NBEAL2: variants seen among roughly 807,000 people sequenced by gnomAD.
NBEAL2 encodes the protein neurobeachin-like protein 2.
NBEAL2 carries 160 observed loss-of-function variants against 299.8 expected under a neutral mutation model. The observed-to-expected ratio is 0.53, with a 90% CI of 0.47 to 0.61. NBEAL2 has a LOEUF of 0.61. Ranked by LOEUF, NBEAL2 falls within the 20% of genes least tolerant of loss-of-function variation. The probability of loss-of-function intolerance (pLI) is 0.00; values close to 1 mark genes in which losing one functional copy is unlikely to be tolerated. For missense variants in NBEAL2, 3,112 were observed against 3,649.0 expected, an observed-to-expected ratio of 0.85 and a Z score of 3.79; for synonymous variants, 1,493 against 1,542.3, an observed-to-expected ratio of 0.97 and a Z score of 0.75.
In NBEAL2 at chr3:47,005,613, C is replaced by G; in HGVS notation, c.6685C>G (p.Gln2229Glu). 1 of 1,613,652 alleles carries G rather than the reference C, an allele frequency of 6.2e-7. No individual in the cohort carries two copies. The highest frequency in any genetic ancestry group is 2.2e-5 in the East Asian group (1 of 44,878). The change falls in exon 41 of 54, where the codon CAG becomes GAG. Residue 2229 changes from glutamine to glutamate, a missense_variant. Gln to Glu is a conservative substitution (Grantham distance 29). Transcript: ENST00000450053. ...CTACTTTCCTGACTTCCTGGAGAAC[C>G]AGAACGGTAGGTGTGAGGTGCTCAC... ...FFYFPDFLEN[Q>E]NGFDLGCLQL... is the part of the protein sequence containing the mutation.
chr3:46,994,057 G>C, intron 11 of NBEAL2, 37 bp downstream of exon 11: 1 of 1,569,674 alleles, frequency 6.4e-7, no homozygotes, highest in Non-Finnish European at 8.7e-7. Flanking sequence ...TAGGGGTGCG[G>C]GGTGGAGTTC....
chr3:46,990,036 T>C (rs2035975669), intron 6 of NBEAL2, among the ~76,000 whole-genome samples: 1 of 152,126 alleles, frequency 6.6e-6, no homozygotes. Context: ...CAGGTGGTCC[T>C]GTGAACCTGT....
rs141569354 is a variant in NBEAL2, at chr3:47,004,995, C to T, written c.6318C>T (p.Tyr2106=). 0.011 allele frequency: 17,694 copies of T among 1,610,230 alleles called. 121 individuals are homozygous for T. Among genetic ancestry groups the T allele is most frequent in the Non-Finnish European group, 0.013 (15,745 of 1,178,436 alleles). Residue 2106 remains tyrosine (Y), a synonymous_variant, in exon 39 of 54, where the codon TAC becomes TAT. Transcript: ENST00000450053. This position sits in a 1 kb window ranked among gnomAD's most constrained non-coding sequence, Gnocchi z 5.0. ...YPVFPWVLQD[Y]VSPTLDLSNP... The stretch of plus-strand genomic sequence containing the variant: ...AGTTCCCCTGGGTCCTGCAGGACTA[C>T]GTGTCCCCAACCCTGGACCTCAGCA...
rs1559616872 is a variant in NBEAL2 at position 47,004,488 on chromosome 3, T to C, written c.6199-7T>C. The stretch of plus-strand genomic sequence containing the variant: ...CTGGCTCACATCTTGTCTGCCCCTG[T>C]CCCCAGAAATGGGTACAGCGTGAGA... On this transcript the variant is annotated splice_polypyrimidine_tract_variant and splice_region_variant and intron_variant, in intron 37 of 53. Transcript: ENST00000450053. The surrounding 1 kb of genome is among the most constrained non-coding windows in gnomAD (Gnocchi z 5.0). 1.2e-6 allele frequency: 2 copies of C among 1,613,228 alleles called. No individual in the cohort carries two copies. Among genetic ancestry groups the C allele is most frequent in the Non-Finnish European group, 1.7e-6 (2 of 1,179,446 alleles).
At position 46,996,418 on chromosome 3, in the gene NBEAL2, G is replaced by C. The variant is rs1181848397; in HGVS notation, c.2299G>C (p.Gly767Arg). 1.2e-6 allele frequency: 2 copies of C among 1,610,854 alleles called. No individual in the cohort carries two copies. The highest frequency in any genetic ancestry group is 1.7e-6 in the Non-Finnish European group (2 of 1,178,862). The change falls in exon 16 of 54, where the codon GGC (glycine) becomes CGC (arginine). Residue 767 changes from glycine to arginine, a missense_variant. Transcript: ENST00000450053. Reference sequence around the variant, plus strand: ...GTCAGTCCCAGCCTCCACAGGGCTTGGCTGGGGGTCCGGGCTGGTGGCCCC... The same window carrying C: ...GTCAGTCCCAGCCTCCACAGGGCTTCGCTGGGGGTCCGGGCTGGTGGCCCC... The part of the protein sequence containing the change: ...SQSVPASTGL[G>R]WGSGLVAPLQ...
At chr3:46,987,462 A>G (rs573735692) in intron 1 of NBEAL2, among the ~76,000 whole-genome samples, 1 of 152,340 alleles carries the variant, frequency 6.6e-6, no homozygotes, top group South Asian at 2.1e-4. Flanking sequence ...TATAAGCCAC[A>G]ACCCACCCCT....
At position 47,002,135 on chromosome 3, in the gene NBEAL2, A is replaced by G. The variant is rs1354320950; in HGVS notation, c.4998A>G (p.Pro1666=). 6.5e-7 allele frequency: 1 copy of G among 1,550,366 alleles called. No homozygotes were observed. Among genetic ancestry groups the G allele is most frequent in the East Asian group, 2.4e-5 (1 of 40,906 alleles). ...CAGAGCGCTGCTCCTGGCTGGTGCC[A>G]CTGGTGCGCACGCTGCTAGACCGTG... The part of the protein sequence containing the change: ...AAAERCSWLV[P]LVRTLLDRAY... Residue 1666 remains proline, a synonymous_variant, in exon 31 of 54, where the codon CCA becomes CCG. Transcript: ENST00000450053.
In NBEAL2 at chr3:47,000,049, C is replaced by T; in HGVS notation, c.3950C>T (p.Pro1317Leu). The change falls in exon 27 of 54, where the codon CCA (proline) becomes CTA (leucine). Residue 1317 changes from proline to leucine, a missense_variant. Transcript: ENST00000450053. This position sits in a 1 kb window ranked among gnomAD's most constrained non-coding sequence, Gnocchi z 4.5. ...TCACCTACCTCCCCCAAGCCAGCCC[C>T]ACCCAAGCCACCCACTGAGTCACCT... is the stretch of plus-strand genomic sequence containing the variant. ...PESPTSPKPA[P>L]PKPPTESPAE... The T allele has an allele frequency of 2.5e-6, 4 of 1,613,494 alleles. No individual in the cohort carries two copies. In the Admixed American group the frequency reaches 5.0e-5, roughly 20 times the overall value.
rs773741902 is a variant in NBEAL2, at chr3:46,988,110, G to A, written c.52-559G>A. 3 of 1,176,414 alleles carry A rather than the reference G, an allele frequency of 2.6e-6. No homozygotes were observed. The highest frequency in any genetic ancestry group is 3.2e-6 in the Non-Finnish European group (3 of 927,402). 72.9% of individuals were successfully genotyped at this position (1,176,414 alleles called of 1,614,324 possible). Reference sequence around the variant, plus strand: ...GCAAGGGTGGGTGGAGGTTCCCGGGGCAAGGCAGGGCCGCACATGAGGATG... The same window carrying A: ...GCAAGGGTGGGTGGAGGTTCCCGGGACAAGGCAGGGCCGCACATGAGGATG... On this transcript the variant is annotated intron_variant, in intron 1 of 53. Coordinates refer to ENST00000450053, the MANE Select transcript of NBEAL2 (RefSeq NM_015175.3). The surrounding 1 kb of genome is among the most constrained non-coding windows in gnomAD (Gnocchi z 4.4).
At position 46,995,489 on chromosome 3, in the gene NBEAL2, C is replaced by T; in HGVS notation, c.1754C>T (p.Pro585Leu). 6.2e-7 allele frequency: 1 copy of T among 1,612,892 alleles called. No homozygotes were observed. Among genetic ancestry groups the T allele is most frequent in the Non-Finnish European group, 8.5e-7 (1 of 1,179,892 alleles). ...ARALRYFDLT[P>L]SMAGIMVPPV... ...GCTCTGCGCTACTTTGACCTCACGC[C>T]CAGCATGGCGGGCATCATGGTACCC... The change falls in exon 13 of 54, where the codon CCC becomes CTC. Residue 585 changes from proline to leucine, a missense_variant. By Grantham distance (98) the Pro-to-Leu change is moderately conservative (BLOSUM62 -3). Around this residue, in one of 3 missense-constraint regions of NBEAL2, gnomAD observed 2,243 missense variants for 2,538.1 expected, o/e 0.88. Coordinates refer to ENST00000450053, the MANE Select transcript of NBEAL2 (RefSeq NM_015175.3).
chr3:46,985,288 G>A (rs984888962), intron 1 of NBEAL2, among the ~76,000 whole-genome samples: 5 of 152,212 alleles, frequency 3.3e-5, no homozygotes, highest in African/African-American at 9.7e-5. Flanking sequence ...TGATCAAGCC[G>A]TGATGGTGAC....
At position 46,996,440 on chromosome 3, in the gene NBEAL2, C is replaced by T. The variant is rs1398848650; in HGVS notation, c.2321C>T (p.Ala774Val). 3 of 1,607,794 alleles carry T rather than the reference C, an allele frequency of 1.9e-6. No individual in the cohort carries two copies. The highest frequency in any genetic ancestry group is 2.5e-6 in the Non-Finnish European group (3 of 1,177,346). Reference protein sequence around the residue: ...TGLGWGSGLVAPLQEGSIDST... With the variant: ...TGLGWGSGLVVPLQEGSIDST... The stretch of plus-strand genomic sequence containing the variant: ...CTTGGCTGGGGGTCCGGGCTGGTGG[C>T]CCCCCTGCAGGAGGGCAGCATCGAC... The change falls in exon 16 of 54, where the codon GCC becomes GTC. Residue 774 changes from alanine to valine, a missense_variant. Coordinates refer to ENST00000450053, the MANE Select transcript of NBEAL2 (RefSeq NM_015175.3).
chr3:46,994,608 G>T (rs1452331706), intron 12 of NBEAL2, 55 bp downstream of exon 12: 10 of 1,449,726 alleles, frequency 6.9e-6, no homozygotes, highest in Non-Finnish European at 9.5e-6. Context: ...CTGAGTCAGG[G>T]TTACCACAGA....
intron 1 of NBEAL2, among the ~76,000 whole-genome samples, chr3:46,981,524 C>T (rs1343939396): frequency 6.6e-6 from 1 of 152,192 alleles, no homozygotes; most frequent in African/African-American, 2.4e-5. Context: ...GCCATTATAG[C>T]TGGTCCAGAC....
rs540575205 is a variant in NBEAL2, at chr3:46,999,121, C to T, written c.3543+4C>T. The T allele has an allele frequency of 1.3e-6, 2 of 1,564,056 alleles. No individual in the cohort carries two copies. The highest frequency in any genetic ancestry group is 1.7e-6 in the Non-Finnish European group (2 of 1,152,490). ...GCTGCCCGATCGAGTCTGCAAGGTA[C>T]ACCCAGCCCACCCCCTCCCCTGGCA... On this transcript the variant is annotated splice_donor_region_variant and intron_variant, in intron 24 of 53. Transcript: ENST00000450053.
rs1468538837 is a variant in NBEAL2, at chr3:47,009,554, C to T, written c.*234C>T. The T allele has an allele frequency of 7.2e-6, 4 of 558,394 alleles. No homozygotes were observed. The highest frequency in any genetic ancestry group is 1.3e-5 in the Non-Finnish European group (4 of 316,488). The allele number at this position is 558,394 out of a possible 1,614,324, so 34.6% of individuals were successfully genotyped here. ...GAGGGCCAGCACTGGCGTCTGCGGC[C>T]GCAGCAGCACTTTTTGCACAGTCTG... On this transcript the variant is annotated 3_prime_UTR_variant, in exon 54 of 54. Transcript: ENST00000450053.
intron 6 of NBEAL2, among the ~76,000 whole-genome samples, chr3:46,990,444 T>C (rs762130172): frequency 1.3e-5 from 2 of 152,244 alleles, no homozygotes; most frequent in African/African-American, 2.4e-5. Flanking sequence ...GCCTGGCTTC[T>C]GTCCTCTCAT....
chr3:47,007,896 C>T lies in NBEAL2; in HGVS notation c.7588C>T (p.Arg2530Trp), dbSNP rs754133402. 2.0e-5 allele frequency: 32 copies of T among 1,612,582 alleles called. No homozygotes were observed. Among genetic ancestry groups the T allele is most frequent in the African/African-American group, 4.0e-5 (3 of 74,880 alleles). ...CCGGGACACCACGTGCATGGTGTGG[C>T]GGCTCCTGCATCAGGTGTGCCTCGT... ...GSRDTTCMVW[R>W]LLHQGGLSVG... The change falls in exon 49 of 54, where the codon CGG (arginine) becomes TGG (tryptophan). Residue 2530 changes from arginine (R) to tryptophan (W), a missense_variant. Physicochemically the swap from Arg to Trp is moderately radical, Grantham distance 101. Around this residue, in one of 3 missense-constraint regions of NBEAL2, gnomAD observed 348 missense variants for 381.4 expected, o/e 0.91. Coordinates refer to ENST00000450053, the MANE Select transcript of NBEAL2 (RefSeq NM_015175.3).
chr3:46,985,169 G>A (rs1271961116), intron 1 of NBEAL2, among the ~76,000 whole-genome samples: 2 of 152,168 alleles, frequency 1.3e-5, no homozygotes, highest in African/African-American at 2.4e-5. Context: ...AGTGATTCAC[G>A]CCCTTGGGCC....
Sources: gnomAD v4.1 joint callset for allele counts (sites outside exome capture counted in the v4.1 genomes callset) on GRCh38, gnomAD v4.1.1 for gene constraint, gnomAD v4.1.1 regional missense constraint, Gnocchi (gnomAD v3.1) non-coding constraint, MANE v1.5 for transcripts, NCBI Gene and HGNC (gene_info 2026-07-23, HGNC 2026-07-21) for gene names.